TENM3: variants seen among roughly 807,000 people sequenced by gnomAD.
TENM3 encodes teneurin-3.
TENM3 carries 63 observed loss-of-function variants against 255.1 expected under a neutral mutation model. The observed-to-expected ratio is 0.25, with a 90% confidence interval of 0.20 to 0.30. The LOEUF is 0.30. Among genes scored for constraint, TENM3 ranks in the 10% least tolerant of loss-of-function variants. The pLI, the probability that TENM3 is intolerant of heterozygous loss-of-function variation, is 1.00. For synonymous variants in TENM3, 1,306 were observed against 1,322.3 expected (o/e 0.99, Z 0.27); for missense variants, 2,929 against 3,461.1 (o/e 0.85, Z 3.86).
chr4:181,791,724 G>T, the TENM3 span, among the ~76,000 whole-genome samples: 11 of 152,298 alleles, frequency 7.2e-5, no homozygotes, highest in Non-Finnish European at 1.6e-4. Flanking sequence ...AACAACTGAT[G>T]CAGGTAACTG....
chr4:181,482,194 T>A, the TENM3 span, among the ~76,000 whole-genome samples: 4 of 152,146 alleles, frequency 2.6e-5, no homozygotes, highest in Non-Finnish European at 1.5e-5. Context: ...TATAATGTAA[T>A]AGTGATCAGA....
the TENM3 span, among the ~76,000 whole-genome samples, chr4:181,928,714 C>T: frequency 6.6e-6 from 1 of 151,938 alleles, no homozygotes; most frequent in South Asian, 2.1e-4. Context: ...AGAGCAACCC[C>T]AAGACATAAT....
the TENM3 span, among the ~76,000 whole-genome samples, chr4:182,020,246 A>G: frequency 1.3e-5 from 2 of 151,902 alleles, no homozygotes; most frequent in East Asian, 2.0e-4. Flanking sequence ...GGAGCCTGTA[A>G]TCTCAGCTAC....
intron 1 of TENM3, among the ~76,000 whole-genome samples, chr4:182,160,588 CAG>C (rs1751072438): frequency 6.6e-6 from 1 of 152,168 alleles, no homozygotes; most frequent in Non-Finnish European, 1.5e-5. Context: ...ATGTATCATG[CAG>C]AGAGACCAAT....
At chr4:182,022,715 G>T in the TENM3 span, among the ~76,000 whole-genome samples, 1 of 151,654 alleles carries the variant, frequency 6.6e-6, no homozygotes, top group African/African-American at 2.4e-5. Flanking sequence ...AGTCTAGCTC[G>T]CTCACAACGC....
the TENM3 span, among the ~76,000 whole-genome samples, chr4:181,747,268 TTTTCATCTGTTTATTGGG>T: frequency 3.9e-5 from 6 of 152,250 alleles, no homozygotes; most frequent in Middle Eastern, 3.4e-3. Context: ...AATGAATATG[TTTTCATCTGTTTATTGGG>T]CATTAGAATT....
the TENM3 span, among the ~76,000 whole-genome samples, chr4:181,941,323 T>TA: frequency 6.6e-6 from 1 of 151,572 alleles, no homozygotes; most frequent in African/African-American, 2.4e-5. Flanking sequence ...TTTTTTTTTT[T>TA]ATAGCTATTT....
At chr4:182,693,710 A>G (rs1449137133) in intron 12 of TENM3, among the ~76,000 whole-genome samples, 2 of 152,220 alleles carry the variant, frequency 1.3e-5, no homozygotes, top group Non-Finnish European at 2.9e-5. Context: ...AGCTTTGGGA[A>G]TTGAAATTCT....
chr4:182,565,034 A>G (rs1743634826), intron 3 of TENM3, among the ~76,000 whole-genome samples: 1 of 152,196 alleles, frequency 6.6e-6, no homozygotes, highest in Admixed American at 6.5e-5. Context: ...TCTGTTTTTC[A>G]TTAGTATCCA....
the TENM3 span, among the ~76,000 whole-genome samples, chr4:181,672,261 T>A: frequency 6.6e-6 from 1 of 152,180 alleles, no homozygotes; most frequent in East Asian, 1.9e-4. Flanking sequence ...TAATACAAAG[T>A]TCACTGTGAT....
At chr4:181,653,616 C>G in the TENM3 span, among the ~76,000 whole-genome samples, 45 of 151,210 alleles carry the variant, frequency 3.0e-4, no homozygotes, top group South Asian at 4.2e-4. Flanking sequence ...GGCCAGGATG[C>G]TCTTGATCTC....
the TENM3 span, among the ~76,000 whole-genome samples, chr4:181,941,272 C>A: frequency 5.9e-5 from 9 of 151,772 alleles, no homozygotes; most frequent in Non-Finnish European, 1.2e-4. Flanking sequence ...CCACCTCTTC[C>A]TCATTCTCTA....
the TENM3 span, among the ~76,000 whole-genome samples, chr4:181,997,580 C>T: frequency 1.4e-5 from 2 of 142,988 alleles, no homozygotes; most frequent in Non-Finnish European, 3.1e-5. Flanking sequence ...TGAATTGATG[C>T]ATTTTTGCCA....
chr4:182,139,011 C>T (rs886837829), upstream of TENM3, among the ~76,000 whole-genome samples: 3 of 152,136 alleles, frequency 2.0e-5, no homozygotes, highest in South Asian at 4.1e-4. Context: ...GGGCTAAAGA[C>T]AATGAAAATA....
chr4:182,579,777 C>G (rs764626164), intron 3 of TENM3, among the ~76,000 whole-genome samples: 1 of 152,080 alleles, frequency 6.6e-6, no homozygotes, highest in Non-Finnish European at 1.5e-5. Flanking sequence ...ATCTCATCAG[C>G]TTATTTTAAA....
chr4:181,511,711 C>T, the TENM3 span, among the ~76,000 whole-genome samples: 9 of 152,138 alleles, frequency 5.9e-5, no homozygotes, highest in Non-Finnish European at 1.0e-4. Flanking sequence ...CCAATGAGTA[C>T]AAGACATTTT....
intron 1 of TENM3, among the ~76,000 whole-genome samples, chr4:182,161,839 GTA>G (rs70954293): frequency 5.8e-5 from 1 of 17,228 alleles, no homozygotes; most frequent in Non-Finnish European, 1.0e-4. Flanking sequence ...ATATATATGT[GTA>G]TATATACACA....
At chr4:182,687,331 T>G (rs1180552223) in intron 11 of TENM3, among the ~76,000 whole-genome samples, 2 of 152,152 alleles carry the variant, frequency 1.3e-5, no homozygotes, top group Admixed American at 1.3e-4. Context: ...CCTCTCCCTG[T>G]CTCTCAATTG....
intron 1 of TENM3, among the ~76,000 whole-genome samples, chr4:182,276,385 C>T (rs1760003783): frequency 6.6e-6 from 1 of 152,150 alleles, no homozygotes; most frequent in South Asian, 2.1e-4. Flanking sequence ...GCAGAACACT[C>T]TTTAGGCCTT....
Sources: gnomAD v4.1 joint callset for allele counts (sites outside exome capture counted in the v4.1 genomes callset) on GRCh38, gnomAD v4.1.1 for gene constraint, MANE v1.5 for transcripts, NCBI Gene and HGNC (gene_info 2026-07-23, HGNC 2026-07-21) for gene names.